The following MYOC variants were observed in gnomAD, a reference collection of about 807,000 sequenced individuals.
The protein encoded by MYOC is myocilin.
Under a neutral mutation model 28.2 loss-of-function variants are expected in MYOC, and 29 were observed. The ratio of observed to expected loss-of-function variants is 1.03; its 90% CI spans 0.77 to 1.40. The LOEUF is 1.40. Ranked by LOEUF, MYOC falls within the 40% of genes most tolerant of loss-of-function variation. The pLI, the probability that MYOC is intolerant of heterozygous loss-of-function variation, is 0.00. For missense variants in MYOC, 569 were observed against 620.6 expected (o/e 0.92, Z 0.88); for synonymous variants, 240 against 245.6 (o/e 0.98, Z 0.21).
Position 171,635,849 on chromosome 1 carries a change from G to A in MYOC, c.*76C>T. On this transcript the variant is annotated 3_prime_UTR_variant, in exon 3 of 3. Coordinates refer to ENST00000037502, the MANE Select transcript of MYOC (RefSeq NM_000261.2). ...AAGCTGCCTGGGCCCTGGCTGGCTG[G>A]CTCTCCCTTCAGCCTGCTCCCCCCA... 1.3e-6 allele frequency: 2 copies of A among 1,527,826 alleles called. No homozygotes were observed. The allele number at this position is 1,527,826 out of a possible 1,614,324, so 94.6% of individuals were successfully genotyped here.
intron 1 of MYOC, among the ~76,000 whole-genome samples, chr1:171,648,498 C>T (rs1653257255): frequency 6.6e-6 from 1 of 152,072 alleles, no homozygotes; most frequent in South Asian, 2.1e-4. Context: ...CAACTGCACA[C>T]AAGCCCTCTT....
chr1:171,638,837 T>G, intron 1 of MYOC, 115 bp from the exon 2 acceptor site: 2 of 1,194,670 alleles, frequency 1.7e-6, no homozygotes. Context: ...CTCATGCCTG[T>G]AATCCCAGCA....
At chr1:171,646,786 C>A (rs766608741) in intron 1 of MYOC, among the ~76,000 whole-genome samples, 1 of 152,234 alleles carries the variant, frequency 6.6e-6, no homozygotes, top group African/African-American at 2.4e-5. Context: ...TGAGCCACCA[C>A]GCCCAGCTGT....
intron 1 of MYOC, among the ~76,000 whole-genome samples, chr1:171,643,968 C>CAAA (rs145167337): frequency 3.4e-5 from 3 of 89,452 alleles, no homozygotes; most frequent in African/African-American, 9.3e-5. Flanking sequence ...GACTCTGTCT[C>CAAA]AAAAAAAAAA....
At chr1:171,650,892 C>T (rs1653336095) in intron 1 of MYOC, among the ~76,000 whole-genome samples, 1 of 152,166 alleles carries the variant, frequency 6.6e-6, no homozygotes, top group Non-Finnish European at 1.5e-5. Context: ...ACGCCTCACC[C>T]TGGGTACTTA....
At position 171,652,367 on chromosome 1, in the gene MYOC, C is replaced by A; in HGVS notation, c.245G>T (p.Arg82Leu). ...AGCTTTGGTGGCCTCCAGGTCTAAG[C>A]GTTGGGTGCTGCTGTCTCTCTGTAA... ...HNLQRDSSTQ[R>L]LDLEATKARL... The change falls in exon 1 of 3, where the codon CGC (arginine) becomes CTC (leucine). Residue 82 changes from arginine (R) to leucine (L), a missense_variant. By Grantham distance (102) the Arg-to-Leu change is moderately radical (BLOSUM62 -2). Coordinates refer to ENST00000037502, the MANE Select transcript of MYOC (RefSeq NM_000261.2). 1.2e-6 allele frequency: 2 copies of A among 1,612,322 alleles called. No homozygotes were observed. The highest frequency in any genetic ancestry group is 1.7e-6 in the Non-Finnish European group (2 of 1,178,542).
chr1:171,651,343 AC>A (rs147492940), intron 1 of MYOC, among the ~76,000 whole-genome samples: 3 of 62,136 alleles, frequency 4.8e-5, no homozygotes, highest in South Asian at 5.7e-4. Flanking sequence ...TCACCCCCGC[AC>A]CCCCCCCACA....
At chr1:171,641,243 A>C (rs1405394176) in intron 1 of MYOC, among the ~76,000 whole-genome samples, 1 of 151,998 alleles carries the variant, frequency 6.6e-6, no homozygotes, top group Admixed American at 6.6e-5. Flanking sequence ...TGTTGTACTC[A>C]CAGAGCCCAA....
At position 171,635,525 on chromosome 1, in the gene MYOC, G is replaced by T; in HGVS notation, c.*400C>A. Reference sequence around the variant, plus strand: ...TAGTAAATGCATCTTACTTATATTCGATGCTGGCCAGAGGAGCTATTCTGC... The same window carrying T: ...TAGTAAATGCATCTTACTTATATTCTATGCTGGCCAGAGGAGCTATTCTGC... On this transcript the variant is annotated 3_prime_UTR_variant, in exon 3 of 3. Coordinates refer to ENST00000037502, the MANE Select transcript of MYOC (RefSeq NM_000261.2). 3 of 348,012 alleles carry T rather than the reference G, an allele frequency of 8.6e-6. No homozygotes were observed. Among genetic ancestry groups the T allele is most frequent in the Non-Finnish European group, 1.6e-5 (3 of 187,758 alleles). The allele number at this position is 348,012 out of a possible 1,614,324, so 21.6% of individuals were successfully genotyped here.
chr1:171,640,867 A>G (rs769920189), intron 1 of MYOC, among the ~76,000 whole-genome samples: 74 of 152,188 alleles, frequency 4.9e-4, no homozygotes, highest in Non-Finnish European at 7.3e-4. Flanking sequence ...AAGCAAAATT[A>G]TGGAGACAGT....
chr1:171,636,853 C>T (rs1216866810), intron 2 of MYOC, 144 bp from the exon 3 acceptor site: 2 of 856,722 alleles, frequency 2.3e-6, no homozygotes, highest in East Asian at 2.6e-5. Flanking sequence ...TAGGCTCTAC[C>T]ACCCGCTGGC....
Position 171,636,660 on chromosome 1 carries a change from T to C in MYOC, c.780A>G (p.Ala260=), listed in dbSNP as rs766500326. 3 of 1,608,840 alleles carry C rather than the reference T, an allele frequency of 1.9e-6. No homozygotes were observed. The East Asian group carries it at 6.7e-5, about 36-fold the overall frequency. The change falls in exon 3 of 3, where the codon GCA becomes GCG. Residue 260 remains alanine, a synonymous_variant. Transcript: ENST00000037502. The part of the protein sequence containing the change: ...WVGEPLTLRT[A]ETITGKYGVW... ...CACCATACTTGCCAGTAATTGTTTCTGCTGTTCTCAGCGTGAGAGGCTCTC... is the reference window on the plus strand; with the variant it reads ...CACCATACTTGCCAGTAATTGTTTCCGCTGTTCTCAGCGTGAGAGGCTCTC...
At position 171,635,959 on chromosome 1, in the gene MYOC, A is replaced by G; in HGVS notation, c.1481T>C (p.Met494Thr). 6.2e-7 allele frequency: 1 copy of G among 1,614,182 alleles called. No individual in the cohort carries two copies. Among genetic ancestry groups the G allele is most frequent in the Non-Finnish European group, 8.5e-7 (1 of 1,180,026 alleles). Residue 494 changes from methionine to threonine, a missense_variant, in exon 3 of 3, where the codon ATG becomes ACG. Coordinates refer to ENST00000037502, the MANE Select transcript of MYOC (RefSeq NM_000261.2). ...KKLFAWDNLN[M>T]VTYDIKLSKM ...GGAGAGCTTGATGTCATAAGTGACC[A>G]TGTTCAAGTTGTCCCAGGCAAAGAG...
At chr1:171,637,372 A>G (rs1230521958) in intron 2 of MYOC, among the ~76,000 whole-genome samples, 1 of 152,160 alleles carries the variant, frequency 6.6e-6, no homozygotes, top group East Asian at 1.9e-4. Context: ...AAACATGAAA[A>G]TAATTATTTT....
intron 1 of MYOC, among the ~76,000 whole-genome samples, chr1:171,641,148 A>C (rs1408822504): frequency 1.3e-5 from 2 of 152,078 alleles, no homozygotes; most frequent in African/African-American, 4.8e-5. Context: ...TGTGGGGGCC[A>C]GTAGTATCTG....
In MYOC at chr1:171,652,340, C is replaced by A; in HGVS notation, c.272G>T (p.Arg91Leu). The change falls in exon 1 of 3, where the codon CGA (arginine) becomes CTA (leucine). Residue 91 changes from arginine (R) to leucine (L), a missense_variant. Coordinates refer to ENST00000037502, the MANE Select transcript of MYOC (RefSeq NM_000261.2). The part of the protein sequence containing the change: ...QRLDLEATKA[R>L]LSSLESLLHQ... Reference sequence around the variant, plus strand: ...GAGGAGGCTCTCCAGGGAGCTGAGTCGAGCTTTGGTGGCCTCCAGGTCTAA... The same window carrying A: ...GAGGAGGCTCTCCAGGGAGCTGAGTAGAGCTTTGGTGGCCTCCAGGTCTAA... The A allele has an allele frequency of 6.2e-7, 1 of 1,609,736 alleles. No individual in the cohort carries two copies.
chr1:171,638,475 GC>G (rs1652987363), intron 2 of MYOC, 121 bp downstream of exon 2: 1 of 1,127,272 alleles, frequency 8.9e-7, no homozygotes, highest in Non-Finnish European at 1.3e-6. Context: ...CCCTCCCTCT[GC>G]TCCCAGGGAA....
intron 1 of MYOC, among the ~76,000 whole-genome samples, chr1:171,643,871 T>C (rs1281837241): frequency 6.8e-6 from 1 of 147,758 alleles, no homozygotes; most frequent in African/African-American, 2.5e-5. Flanking sequence ...CTAGGGAGGC[T>C]AAGTCAGGAG....
Position 171,636,152 on chromosome 1 carries a change from A to G in MYOC, c.1288T>C (p.Phe430Leu), listed in dbSNP as rs1652914106. ...GTGTACAAGGTGCCACAGATGATGA[A>G]GGCATTGGCGACTGACTGCTTACGG... ...NIRKQSVANA[F>L]IICGTLYTVS... The change falls in exon 3 of 3, where the codon TTC becomes CTC. Residue 430 changes from phenylalanine (F) to leucine (L), a missense_variant. Physicochemically the swap from Phe to Leu is conservative, Grantham distance 22. Coordinates refer to ENST00000037502, the MANE Select transcript of MYOC (RefSeq NM_000261.2). The G allele has an allele frequency of 3.7e-6, 6 of 1,614,034 alleles. No homozygotes were observed. Among genetic ancestry groups the G allele is most frequent in the Non-Finnish European group, 5.1e-6 (6 of 1,180,034 alleles).
Sources: gnomAD v4.1 joint callset for allele counts (sites outside exome capture counted in the v4.1 genomes callset) on GRCh38, gnomAD v4.1.1 for gene constraint, MANE v1.5 for transcripts, NCBI Gene and HGNC (gene_info 2026-07-23, HGNC 2026-07-21) for gene names.